Variants in GABRG3 observed in about 807,000 individuals in gnomAD.
The protein encoded by GABRG3 is gamma-aminobutyric acid receptor subunit gamma-3.
In GABRG3, 25 loss-of-function variants were observed where a neutral mutation model predicts 48.8. The ratio of observed to expected loss-of-function variants is 0.51; its 90% CI spans 0.37 to 0.72. GABRG3 has a LOEUF of 0.72. Among genes scored for constraint, GABRG3 ranks in the 30% least tolerant of loss-of-function variants. GABRG3 has a pLI of 0.00. For synonymous variants in GABRG3, 227 were observed against 217.6 expected (o/e 1.04, Z -0.38); for missense variants, 394 against 577.9 (o/e 0.68, Z 3.26).
At chr15:27,097,712 G>T (rs1450339130) in intron 3 of GABRG3, among the ~76,000 whole-genome samples, 4 of 152,072 alleles carry the variant, frequency 2.6e-5, no homozygotes, top group African/African-American at 9.7e-5. Context: ...GCCTGGGGGA[G>T]GTGTGCTACT....
At chr15:27,069,029 A>G (rs1896784051) in intron 3 of GABRG3, among the ~76,000 whole-genome samples, 1 of 152,140 alleles carries the variant, frequency 6.6e-6, no homozygotes, top group Non-Finnish European at 1.5e-5. Context: ...ATGGGACCCT[A>G]AATCCCAAGG....
At chr15:27,364,244 G>A (rs1194712025) in intron 5 of GABRG3, 1 of 152,224 alleles carries the variant, frequency 6.6e-6, no homozygotes, top group Non-Finnish European at 1.5e-5. Flanking sequence ...CAAATGAAAG[G>A]CAGCAGTTTT....
At chr15:27,387,299 T>C (rs1018997802) in intron 5 of GABRG3, among the ~76,000 whole-genome samples, 9 of 152,128 alleles carry the variant, frequency 5.9e-5, no homozygotes, top group African/African-American at 1.9e-4. Flanking sequence ...ATTCTGGACA[T>C]TTTGAGTATG....
intron 6 of GABRG3, among the ~76,000 whole-genome samples, chr15:27,511,810 G>T (rs912096537): frequency 6.6e-6 from 1 of 152,240 alleles, no homozygotes; most frequent in Non-Finnish European, 1.5e-5. Flanking sequence ...GATCCATTGT[G>T]TCTCCAATGG....
At chr15:27,231,456 A>AG (rs1889798048) in intron 3 of GABRG3, among the ~76,000 whole-genome samples, 2 of 152,208 alleles carry the variant, frequency 1.3e-5, no homozygotes, top group Non-Finnish European at 2.9e-5. Flanking sequence ...GGTAGGGAGA[A>AG]GAGGAGCAGG....
rs1210065758 is a variant in GABRG3 at position 27,031,921 on chromosome 15, C to T, written c.270+5100C>T. 3.3e-5 allele frequency among the ~76,000 whole-genome samples: 5 copies of T among 152,260 alleles called. No homozygotes were observed. The South Asian group carries it at 1.0e-3, about 32-fold the overall frequency. On this transcript the variant is annotated intron_variant, in intron 3 of 9. Transcript: ENST00000615808. ...TTGGTTTTTCTTTGCATTTCTCCTG[C>T]GTAAAGTTCATAGCAGTTTTTGCAT...
chr15:27,479,884 T>G (rs1373149408), intron 5 of GABRG3, among the ~76,000 whole-genome samples: 3 of 152,162 alleles, frequency 2.0e-5, no homozygotes, highest in African/African-American at 7.2e-5. Flanking sequence ...GGGGATGGTG[T>G]TGTTCCAAGC....
chr15:27,170,155 A>G (rs1381227322), intron 3 of GABRG3, among the ~76,000 whole-genome samples: 2 of 152,188 alleles, frequency 1.3e-5, no homozygotes, highest in Admixed American at 6.5e-5. Flanking sequence ...ACAAATGCAG[A>G]CATGTGGGTA....
In GABRG3 at chr15:27,326,789, C is replaced by G; in HGVS notation, c.271-20C>G. 1 of 1,574,832 alleles carries G rather than the reference C, an allele frequency of 6.3e-7. No homozygotes were observed. Among genetic ancestry groups the G allele is most frequent in the Non-Finnish European group, 8.7e-7 (1 of 1,144,300 alleles). The stretch of plus-strand genomic sequence containing the variant: ...ATTTATTAATAGAACTGTCTTGCCT[C>G]TCCTTCTGCTCTGTTTCAGGAATAC... On this transcript the variant is annotated intron_variant, in intron 3 of 9. Transcript: ENST00000615808.
chr15:27,247,493 C>T (rs942200904), intron 3 of GABRG3, among the ~76,000 whole-genome samples: 1 of 152,110 alleles, frequency 6.6e-6, no homozygotes, highest in East Asian at 1.9e-4. Context: ...TGCAGAACAC[C>T]CCTGAATGGC....
Position 27,538,816 on chromosome 15 carries a change from T to A in GABRG3, c.*5935T>A, listed in dbSNP as rs996212463. The A allele has an allele frequency of 6.6e-6, 1 of 152,214 alleles. No individual in the cohort carries two copies. The highest frequency in any genetic ancestry group is 1.5e-5 in the Non-Finnish European group (1 of 68,034). The allele number at this position is 152,214 out of a possible 1,614,324, so 9.4% of individuals were successfully genotyped here. A position where few individuals can be genotyped will look rare whatever the true frequency, so the allele number is the denominator to read the frequency against. On this transcript the variant is annotated 3_prime_UTR_variant, in exon 10 of 10. Transcript: ENST00000615808. The stretch of plus-strand genomic sequence containing the variant: ...GGCTTAGACTCCGATTTCTCCCAGT[T>A]GCCTCACTTACTGAAGTTCGATCCC...
intron 5 of GABRG3, among the ~76,000 whole-genome samples, chr15:27,351,647 CTG>C (rs539891426): frequency 1.1e-4 from 13 of 113,688 alleles, no homozygotes; most frequent in Admixed American, 7.0e-4. Context: ...TGTGTATGGT[CTG>C]TGTGTGTGTA....
intron 5 of GABRG3, among the ~76,000 whole-genome samples, chr15:27,402,659 C>G (rs1331292762): frequency 6.6e-6 from 1 of 152,202 alleles, no homozygotes; most frequent in African/African-American, 2.4e-5. Flanking sequence ...GCTTGTGCTC[C>G]TAGTTACCCA....
At chr15:27,505,397 C>T (rs4572338) in intron 6 of GABRG3, among the ~76,000 whole-genome samples, 70,521 of 151,910 alleles carry the variant, frequency 0.46, 16,768 homozygotes, top group Non-Finnish European at 0.54. Flanking sequence ...GCCACTAAGT[C>T]TAGCCTGTAA....
chr15:27,098,375 G>T (rs1371458289), intron 3 of GABRG3, among the ~76,000 whole-genome samples: 1 of 152,152 alleles, frequency 6.6e-6, no homozygotes, highest in Middle Eastern at 3.4e-3. Context: ...CAGAGGTTGC[G>T]GTGAGCTGAG....
At chr15:27,496,803 T>A (rs1158960682) in intron 6 of GABRG3, among the ~76,000 whole-genome samples, 1 of 152,186 alleles carries the variant, frequency 6.6e-6, no homozygotes, top group Non-Finnish European at 1.5e-5. Context: ...GCCACTCACA[T>A]GGCAGGATGT....
chr15:27,010,798 G>C (rs1032217825), intron 2 of GABRG3, among the ~76,000 whole-genome samples: 2 of 152,112 alleles, frequency 1.3e-5, no homozygotes, highest in African/African-American at 4.8e-5. Flanking sequence ...TCTGGTCCTT[G>C]ACATAACTCA....
In GABRG3 at chr15:27,145,249, A is replaced by G. The variant is rs562616403; in HGVS notation, c.270+118428A>G. ...CTTAGACAAGGACTTTAAATCAGCT[A>G]CCTTAAGAACATTCTACAAACTAAG... On this transcript the variant is annotated intron_variant, in intron 3 of 9. Coordinates refer to ENST00000615808, the MANE Select transcript of GABRG3 (RefSeq NM_033223.5). Among the ~76,000 whole-genome samples, 6 of 152,268 alleles carry G rather than the reference A, an allele frequency of 3.9e-5. No homozygotes were observed. In the South Asian group the frequency reaches 1.2e-3, roughly 31 times the overall value.
At chr15:27,294,407 G>A (rs144175992) in intron 3 of GABRG3, among the ~76,000 whole-genome samples, 1,728 of 152,006 alleles carry the variant, frequency 0.011, 39 homozygotes, top group African/African-American at 0.04. Context: ...GGGTGAGACA[G>A]CATTTAGCCA....
Sources: allele counts gnomAD v4.1 joint callset (sites outside exome capture counted in the v4.1 genomes callset), GRCh38; gene constraint gnomAD v4.1.1; transcripts MANE v1.5; gene names NCBI Gene and HGNC (gene_info 2026-07-23, HGNC 2026-07-21).